DYNC2H1: variants seen among roughly 807,000 people sequenced by gnomAD.
The protein encoded by DYNC2H1 is dynein cytoplasmic 2 heavy chain 1, also known as cytoplasmic dynein 2 heavy chain 1.
DYNC2H1 carries 410 observed loss-of-function variants against 570.0 expected under a neutral mutation model. The ratio of observed to expected loss-of-function variants is 0.72; its 90% CI spans 0.66 to 0.78. The LOEUF (loss-of-function observed/expected upper bound fraction) is 0.78. Ranked by LOEUF, DYNC2H1 falls within the 30% of genes least tolerant of loss-of-function variation. The probability of loss-of-function intolerance (pLI) is 0.00; values close to 1 mark genes in which losing one functional copy is unlikely to be tolerated. For synonymous variants in DYNC2H1, 1,688 were observed against 1,677.6 expected (o/e 1.01, Z -0.15); for missense variants, 4,865 against 5,046.4 (o/e 0.96, Z 1.09).
Position 103,203,258 on chromosome 11 carries a change from A to G in DYNC2H1, c.8198-405A>G, listed in dbSNP as rs1178659362. ...GGGCAGTCAAGAAAGGCTTATGGGC[A>G]TAGCAGTTAGGGAAGTAGCATCTTG... On this transcript the variant is annotated intron_variant, in intron 50 of 88. Coordinates refer to ENST00000375735, the MANE Select transcript of DYNC2H1 (RefSeq NM_001377.3). This position sits in a 1 kb window ranked among gnomAD's most constrained non-coding sequence, Gnocchi z 4.7. Among the ~76,000 whole-genome samples, 1 of 152,218 alleles carries G rather than the reference A, an allele frequency of 6.6e-6. No homozygotes were observed. The highest frequency in any genetic ancestry group is 1.5e-5 in the Non-Finnish European group (1 of 68,034).
chr11:103,263,172 A>G (rs1012426054), intron 70 of DYNC2H1, among the ~76,000 whole-genome samples: 3 of 152,160 alleles, frequency 2.0e-5, no homozygotes, highest in East Asian at 3.8e-4. Flanking sequence ...CTAAATATAT[A>G]TGCGCCCAGT....
rs1941051177 is a variant in DYNC2H1 at position 103,369,383 on chromosome 11, G to A, written c.12156+11024G>A. On this transcript the variant is annotated intron_variant, in intron 83 of 88. Transcript: ENST00000375735. The surrounding 1 kb of genome is among the most constrained non-coding windows in gnomAD (Gnocchi z 4.0). ...TAAATAATCTTGAAAAGCAGTCCAG[G>A]CCACAAGGATTTCAATTCCTATGTG... 6.6e-6 allele frequency among the ~76,000 whole-genome samples: 1 copy of A among 152,166 alleles called. No individual in the cohort carries two copies.
At position 103,153,513 on chromosome 11, in the gene DYNC2H1, GT is replaced by G; in HGVS notation, c.3302+11del. On this transcript the variant is annotated splice_donor_region_variant and intron_variant, in intron 22 of 88. Coordinates refer to ENST00000375735, the MANE Select transcript of DYNC2H1 (RefSeq NM_001377.3). ...AGTCACAAGAAAAAAGCTGGTGTAT[GT>G]TTTTTCTTTAAAATTGATAGTGCTT... 1.9e-6 allele frequency: 3 copies of G among 1,547,010 alleles called. No homozygotes were observed. Among genetic ancestry groups the G allele is most frequent in the South Asian group, 1.3e-5 (1 of 78,846 alleles).
intron 75 of DYNC2H1, among the ~76,000 whole-genome samples, chr11:103,293,258 T>C (rs1866687024): frequency 6.6e-6 from 1 of 152,184 alleles, no homozygotes; most frequent in South Asian, 2.1e-4. Flanking sequence ...CCTCATGGCA[T>C]GTGAGGGTTC....
intron 85 of DYNC2H1, among the ~76,000 whole-genome samples, chr11:103,453,615 CATATATATATAT>C (rs66628059): frequency 1.2e-4 from 17 of 136,630 alleles, no homozygotes; most frequent in African/African-American, 4.9e-4. Context: ...TTAGTTTAGA[CATATATATATAT>C]ATATATATAT....
Position 103,129,420 on chromosome 11 carries a change from C to G in DYNC2H1, c.1953+415C>G, listed in dbSNP as rs575813506. Among the ~76,000 whole-genome samples the G allele has an allele frequency of 1.3e-5, 2 of 152,122 alleles. No homozygotes were observed. The highest frequency in any genetic ancestry group is 6.5e-5 in the Admixed American group (1 of 15,276). ...TTAGGAGGCTGGGTGCAGTGGCTTA[C>G]GCCTGTCATCCCAGCACTTTCGAGG... On this transcript the variant is annotated intron_variant, in intron 13 of 88. Coordinates refer to ENST00000375735, the MANE Select transcript of DYNC2H1 (RefSeq NM_001377.3). This position sits in a 1 kb window ranked among gnomAD's most constrained non-coding sequence, Gnocchi z 4.1.
At chr11:103,147,594 A>G (rs1860303777) in intron 18 of DYNC2H1, among the ~76,000 whole-genome samples, 178 bp from the exon 19 acceptor site, 2 of 152,180 alleles carry the variant, frequency 1.3e-5, no homozygotes, top group Non-Finnish European at 2.9e-5. Context: ...GAAAAACTTC[A>G]AAATAGTATG....
intron 70 of DYNC2H1, among the ~76,000 whole-genome samples, chr11:103,263,022 C>CAAAAAAGA (rs1865367122): frequency 2.5e-5 from 1 of 39,968 alleles, no homozygotes; most frequent in Non-Finnish European, 4.3e-5. Flanking sequence ...AAATGGAAAG[C>CAAAAAAGA]AAAAAAAAAA....
chr11:103,143,491 C>T (rs1352219873), intron 18 of DYNC2H1, 96 bp downstream of exon 18: 8 of 1,215,128 alleles, frequency 6.6e-6, no homozygotes, highest in Admixed American at 6.2e-5. Context: ...GTCACATCAG[C>T]TTCTTGCCTC....
rs1355930074 is a variant in DYNC2H1 at position 103,208,873 on chromosome 11, CA to C, written c.8455-1002del. 1.3e-4 allele frequency among the ~76,000 whole-genome samples: 20 copies of C among 152,192 alleles called. No individual in the cohort carries two copies. In the South Asian group the frequency reaches 3.7e-3, roughly 28 times the overall value. ...ACCATTTTTACTTCAAGGGAAGGAA[CA>C]GGGGCAAATCAGGCCAGCACACTTT... On this transcript the variant is annotated intron_variant, in intron 52 of 88. Coordinates refer to ENST00000375735, the MANE Select transcript of DYNC2H1 (RefSeq NM_001377.3).
intron 28 of DYNC2H1, among the ~76,000 whole-genome samples, chr11:103,159,379 G>T (rs1400680091): frequency 1.3e-5 from 2 of 152,120 alleles, no homozygotes; most frequent in Non-Finnish European, 2.9e-5. Context: ...GGTATAGGCT[G>T]TGCAAAGGCC....
At chr11:103,406,270 G>A (rs188318703) in intron 84 of DYNC2H1, 32 of 152,042 alleles carry the variant, frequency 2.1e-4, no homozygotes, top group African/African-American at 7.5e-4. Context: ...GAAGAAATAA[G>A]TGAGAGGAGG....
chr11:103,136,240 T>C (rs1859542054), intron 17 of DYNC2H1, among the ~76,000 whole-genome samples: 2 of 151,396 alleles, frequency 1.3e-5, no homozygotes, highest in Non-Finnish European at 2.9e-5. Flanking sequence ...TATTTTATTA[T>C]TATTATACTT....
At chr11:103,148,209 T>A (rs1418417875) in intron 19 of DYNC2H1, among the ~76,000 whole-genome samples, 2 of 152,218 alleles carry the variant, frequency 1.3e-5, no homozygotes, top group South Asian at 2.1e-4. Context: ...AAAACTGAGA[T>A]GTTTTAGTAT....
intron 82 of DYNC2H1, among the ~76,000 whole-genome samples, chr11:103,328,589 C>A (rs1938614088): frequency 6.6e-6 from 1 of 152,182 alleles, no homozygotes; most frequent in African/African-American, 2.4e-5. Flanking sequence ...CTTTTAAGGA[C>A]AGGCTAATGC....
Position 103,243,691 on chromosome 11 carries a change from A to G in DYNC2H1, c.9820-2A>G, listed in dbSNP as rs864622111. 2 of 1,591,416 alleles carry G rather than the reference A, an allele frequency of 1.3e-6. No individual in the cohort carries two copies. Among genetic ancestry groups the G allele is most frequent in the Non-Finnish European group, 8.6e-7 (1 of 1,166,590 alleles). On this transcript the variant is annotated splice_acceptor_variant, in intron 63 of 88. Transcript: ENST00000375735. LOFTEE classifies it high-confidence loss of function. This position sits in a 1 kb window ranked among gnomAD's most constrained non-coding sequence, Gnocchi z 4.8. ...CATTACTTTTCCTTTTTTTTATACTAGAGTCGAGTGTGCCCATTTCTTATA... is the reference window on the plus strand; with the variant it reads ...CATTACTTTTCCTTTTTTTTATACTGGAGTCGAGTGTGCCCATTTCTTATA...
chr11:103,448,747 G>T (rs1176149740), intron 85 of DYNC2H1, among the ~76,000 whole-genome samples: 2 of 152,040 alleles, frequency 1.3e-5, no homozygotes, highest in Admixed American at 1.3e-4. Flanking sequence ...CCTGTTTCTT[G>T]GTTAAGGTTA....
In DYNC2H1 at chr11:103,191,517, G is replaced by A. The variant is rs968854045; in HGVS notation, c.7438G>A (p.Val2480Met). The A allele has an allele frequency of 1.3e-6, 2 of 1,597,674 alleles. No homozygotes were observed. The highest frequency in any genetic ancestry group is 1.7e-6 in the Non-Finnish European group (2 of 1,170,794). Residue 2480 changes from valine to methionine, a missense_variant and splice_region_variant, in exon 46 of 89, where the codon GTG becomes ATG. This residue lies in a region of DYNC2H1 where 2,401 missense variants were observed against 2,454.6 expected (regional missense o/e 0.98). Coordinates refer to ENST00000375735, the MANE Select transcript of DYNC2H1 (RefSeq NM_001377.3). ...TTGTTTACTGTATTTTCTTTTTCAG[G>A]TGCGAGCCAAATTTACAGTTGATGA... ...AGSMVQVYEQVRAKFTVDDYS... is the reference protein window; with the variant it reads ...AGSMVQVYEQMRAKFTVDDYS...
chr11:103,160,152 T>A (rs1861027364), intron 28 of DYNC2H1, among the ~76,000 whole-genome samples: 1 of 152,166 alleles, frequency 6.6e-6, no homozygotes, highest in Non-Finnish European at 1.5e-5. Flanking sequence ...ATTAATTGGT[T>A]ATCAAGTTAC....
Sources: gnomAD v4.1 joint callset for allele counts (sites outside exome capture counted in the v4.1 genomes callset) on GRCh38, gnomAD v4.1.1 for gene constraint, gnomAD v4.1.1 regional missense constraint, Gnocchi (gnomAD v3.1) non-coding constraint, MANE v1.5 for transcripts, NCBI Gene and HGNC (gene_info 2026-07-23, HGNC 2026-07-21) for gene names.